GNB4: variants seen among roughly 807,000 people sequenced by gnomAD.
The protein encoded by GNB4 is G protein subunit beta 4, also known as guanine nucleotide-binding protein subunit beta-4.
A neutral mutation model predicts 45.2 loss-of-function variants in GNB4; 28 were observed. The ratio of observed to expected loss-of-function variants is 0.62; its 90% CI spans 0.46 to 0.85. The LOEUF is 0.85. GNB4 is among the 40% of genes least tolerant of loss of function. The pLI is 0.00. For synonymous variants in GNB4, 132 were observed against 143.7 expected (o/e 0.92, Z 0.58); for missense variants, 321 against 425.4 (o/e 0.75, Z 2.16).
chr3:179,499,028 G>C, the GNB4 span, among the ~76,000 whole-genome samples: 1 of 151,700 alleles, frequency 6.6e-6, no homozygotes, highest in Non-Finnish European at 1.5e-5. Flanking sequence ...TTGGTTTTCT[G>C]TTCTTGTTAG....
At chr3:179,403,729 CA>C (rs2108577978) in intron 9 of GNB4, among the ~76,000 whole-genome samples, 1 of 151,374 alleles carries the variant, frequency 6.6e-6, no homozygotes, top group African/African-American at 2.4e-5. Context: ...ACCTGGGAGG[CA>C]GAGGCTGCAG....
the GNB4 span, among the ~76,000 whole-genome samples, chr3:179,520,393 G>A: frequency 6.6e-6 from 1 of 152,002 alleles, no homozygotes; most frequent in East Asian, 1.9e-4. Context: ...TTCCTTCCTA[G>A]GCATGGTTAG....
chr3:179,463,426 A>G, the GNB4 span, among the ~76,000 whole-genome samples: 1 of 152,236 alleles, frequency 6.6e-6, no homozygotes, highest in Non-Finnish European at 1.5e-5. Flanking sequence ...TTACTATGTT[A>G]ATAATAGTAA....
At position 179,398,807 on chromosome 3, in the gene GNB4, T is replaced by A. The variant is rs533569530; in HGVS notation, c.*2406A>T. On this transcript the variant is annotated 3_prime_UTR_variant, in exon 10 of 10. Coordinates refer to ENST00000232564, the MANE Select transcript of GNB4 (RefSeq NM_021629.4). The stretch of plus-strand genomic sequence containing the variant: ...GTAGTGAGGCTACTCTGTCGCCATT[T>A]GTTTATGTGTATAATTAACCACAAG... 14 of 151,822 alleles carry A rather than the reference T, an allele frequency of 9.2e-5. No individual in the cohort carries two copies. Among genetic ancestry groups the A allele is most frequent in the African/African-American group, 2.9e-4 (12 of 41,440 alleles). The allele number at this position is 151,822 out of a possible 1,614,324, so 9.4% of individuals were successfully genotyped here.
intron 8 of GNB4, among the ~76,000 whole-genome samples, chr3:179,406,478 GTC>G (rs1714472655): frequency 6.6e-6 from 1 of 152,056 alleles, no homozygotes; most frequent in African/African-American, 2.4e-5. Context: ...TTTCAGCAGT[GTC>G]TATTGTGAAA....
chr3:179,483,896 T>C, the GNB4 span, among the ~76,000 whole-genome samples: 3 of 152,156 alleles, frequency 2.0e-5, no homozygotes. Flanking sequence ...TTTGACAAAT[T>C]TTATTACAAT....
the GNB4 span, chr3:179,464,647 C>G: frequency 8.9e-7 from 1 of 1,127,100 alleles, no homozygotes; most frequent in African/African-American, 1.5e-5. Context: ...AACAGTGAGA[C>G]AATTGTGAAA....
chr3:179,440,766 G>T (rs2108617351), intron 1 of GNB4, among the ~76,000 whole-genome samples: 1 of 152,134 alleles, frequency 6.6e-6, no homozygotes, highest in Middle Eastern at 3.4e-3. Context: ...AATAAAAAAT[G>T]AATAGGAATT....
chr3:179,523,160 G>A, the GNB4 span, among the ~76,000 whole-genome samples: 1 of 152,178 alleles, frequency 6.6e-6, no homozygotes, highest in African/African-American at 2.4e-5. Context: ...GTTGGGGCTT[G>A]GGAGATTAGC....
intron 9 of GNB4, among the ~76,000 whole-genome samples, chr3:179,401,862 T>C (rs747076448): frequency 2.6e-5 from 4 of 152,236 alleles, no homozygotes; most frequent in Non-Finnish European, 4.4e-5. Flanking sequence ...GTTATAACTT[T>C]CTGAAACCAT....
At chr3:179,438,914 C>T (rs1715527510) in intron 1 of GNB4, among the ~76,000 whole-genome samples, 1 of 152,134 alleles carries the variant, frequency 6.6e-6, no homozygotes, top group Non-Finnish European at 1.5e-5. Flanking sequence ...GACTCTGTGG[C>T]CCATCCCCCA....
chr3:179,399,644 A>G lies in GNB4; in HGVS notation c.*1569T>C, dbSNP rs1714225776. 1 of 152,250 alleles carries G rather than the reference A, an allele frequency of 6.6e-6. No individual in the cohort carries two copies. Among genetic ancestry groups the G allele is most frequent in the Non-Finnish European group, 1.5e-5 (1 of 68,048 alleles). 9.4% of individuals were successfully genotyped at this position (152,250 alleles called of 1,614,324 possible). A position where few individuals can be genotyped will look rare whatever the true frequency, so the allele number is the denominator to read the frequency against. ...GTCAACTGATTTTAATAAAACTGAT[A>G]CATCTTTACAGTTGATGCACATATT... is the stretch of plus-strand genomic sequence containing the variant. On this transcript the variant is annotated 3_prime_UTR_variant, in exon 10 of 10. Coordinates refer to ENST00000232564, the MANE Select transcript of GNB4 (RefSeq NM_021629.4).
the GNB4 span, among the ~76,000 whole-genome samples, chr3:179,514,462 A>G: frequency 6.6e-6 from 1 of 152,198 alleles, no homozygotes; most frequent in African/African-American, 2.4e-5. Context: ...TCAAGTTTAC[A>G]GGGCAAGGGT....
the GNB4 span, among the ~76,000 whole-genome samples, chr3:179,512,915 G>A: frequency 1.3e-5 from 2 of 151,908 alleles, no homozygotes; most frequent in East Asian, 3.8e-4. Context: ...TTCCAAACGT[G>A]TTACCATTTA....
chr3:179,457,954 G>A, the GNB4 span, among the ~76,000 whole-genome samples: 1 of 151,148 alleles, frequency 6.6e-6, no homozygotes, highest in East Asian at 1.9e-4. Context: ...ACCCAGGCTG[G>A]AGTGCAGTGG....
chr3:179,488,984 C>CAAA, the GNB4 span, among the ~76,000 whole-genome samples: 7 of 18,696 alleles, frequency 3.7e-4, 1 homozygote, highest in Non-Finnish European at 6.3e-4. Context: ...ATCCTGTATC[C>CAAA]AAAAAAAAAA....
chr3:179,409,022 G>A (rs1714562466), intron 8 of GNB4, among the ~76,000 whole-genome samples: 1 of 149,760 alleles, frequency 6.7e-6, no homozygotes, highest in Non-Finnish European at 1.5e-5. Flanking sequence ...CAGGCATGGT[G>A]GCACGCACCT....
the GNB4 span, among the ~76,000 whole-genome samples, chr3:179,513,500 A>G: frequency 6.6e-6 from 1 of 151,682 alleles, no homozygotes; most frequent in African/African-American, 2.4e-5. Context: ...ATTTTTTTTT[A>G]AGTTTTCATT....
At chr3:179,510,170 A>G in the GNB4 span, among the ~76,000 whole-genome samples, 1 of 151,990 alleles carries the variant, frequency 6.6e-6, no homozygotes, top group South Asian at 2.1e-4. Context: ...TAGGAAAACA[A>G]ATTGAGCCAC....
Sources: allele counts gnomAD v4.1 joint callset (sites outside exome capture counted in the v4.1 genomes callset), GRCh38; gene constraint gnomAD v4.1.1; transcripts MANE v1.5; gene names NCBI Gene and HGNC (gene_info 2026-07-23, HGNC 2026-07-21).